SNTG1: variants seen among roughly 807,000 people sequenced by gnomAD.
SNTG1 encodes the protein gamma-1-syntrophin.
SNTG1 carries 39 observed loss-of-function variants against 74.7 expected under a neutral mutation model. The ratio of observed to expected loss-of-function variants is 0.52; its 90% CI spans 0.40 to 0.68. SNTG1 has a LOEUF of 0.68. SNTG1 is among the 30% of genes least tolerant of loss of function. The pLI is 0.00. For missense variants in SNTG1, 685 were observed against 609.5 expected (o/e 1.12, Z -1.30); for synonymous variants, 254 against 217.1 (o/e 1.17, Z -1.49).
chr8:50,338,211 G>A (rs920368323), intron 2 of SNTG1, among the ~76,000 whole-genome samples: 1 of 151,990 alleles, frequency 6.6e-6, no homozygotes, highest in African/African-American at 2.4e-5. Context: ...AATGCAAAAA[G>A]GGAGACAAAA....
chr8:50,393,979 C>T (rs2092695952), intron 2 of SNTG1, among the ~76,000 whole-genome samples: 4 of 152,198 alleles, frequency 2.6e-5, no homozygotes, highest in Admixed American at 2.6e-4. Flanking sequence ...AATGCACACT[C>T]AATCACACTG....
Position 50,455,371 on chromosome 8 carries a change from T to C in SNTG1, c.363+4642T>C, listed in dbSNP as rs181684333. On this transcript the variant is annotated intron_variant, in intron 8 of 18. Coordinates refer to ENST00000642720, the MANE Select transcript of SNTG1 (RefSeq NM_018967.5). Reference sequence around the variant, plus strand: ...TTCATCTGCTTTTTGTTTCTATGATTCTCATGAATAGAATTTATTAGGTAA... The same window carrying C: ...TTCATCTGCTTTTTGTTTCTATGATCCTCATGAATAGAATTTATTAGGTAA... 1.7e-3 allele frequency among the ~76,000 whole-genome samples: 252 copies of C among 152,340 alleles called. 2 individuals are homozygous for C. Among genetic ancestry groups the C allele is most frequent in the African/African-American group, 5.8e-3 (243 of 41,588 alleles).
intron 1 of SNTG1, among the ~76,000 whole-genome samples, chr8:49,947,309 A>AG (rs1221673926): frequency 6.6e-6 from 1 of 152,196 alleles, no homozygotes; most frequent in Non-Finnish European, 1.5e-5. Flanking sequence ...TCAAAAAAAA[A>AG]GAGTAATTTC....
intron 1 of SNTG1, among the ~76,000 whole-genome samples, chr8:50,087,528 T>C (rs1383106247): frequency 6.6e-6 from 1 of 152,200 alleles, no homozygotes; most frequent in Non-Finnish European, 1.5e-5. Context: ...CTCTTTTGTT[T>C]CTAAAATATT....
intron 1 of SNTG1, among the ~76,000 whole-genome samples, chr8:50,083,993 A>T (rs1348805132): frequency 6.6e-6 from 1 of 152,196 alleles, no homozygotes; most frequent in Non-Finnish European, 1.5e-5. Flanking sequence ...AACCTCTTTC[A>T]ATTCTGAGTT....
intron 1 of SNTG1, among the ~76,000 whole-genome samples, chr8:50,016,862 T>C (rs929734461): frequency 6.6e-6 from 1 of 152,010 alleles, no homozygotes; most frequent in African/African-American, 2.4e-5. Context: ...ACAAAAAAAA[T>C]GCAATGAGTT....
At chr8:50,674,531 CT>C (rs538707953) in intron 15 of SNTG1, among the ~76,000 whole-genome samples, 1 of 151,432 alleles carries the variant, frequency 6.6e-6, no homozygotes, top group African/African-American at 2.4e-5. Context: ...CCCCTTTAAC[CT>C]TTTTTTGTTG....
intron 1 of SNTG1, among the ~76,000 whole-genome samples, chr8:49,987,850 G>C (rs774292021): frequency 6.6e-6 from 1 of 151,878 alleles, no homozygotes; most frequent in Non-Finnish European, 1.5e-5. Context: ...GGGTTTCACC[G>C]TGTTAGCCAG....
At chr8:50,254,869 A>G (rs1036650616) in intron 2 of SNTG1, among the ~76,000 whole-genome samples, 1 of 147,268 alleles carries the variant, frequency 6.8e-6, no homozygotes, top group African/African-American at 2.5e-5. Flanking sequence ...AAAAAAAAAG[A>G]AAGAAAGAAA....
chr8:50,700,003 C>G (rs2095418066), intron 15 of SNTG1, among the ~76,000 whole-genome samples: 1 of 151,982 alleles, frequency 6.6e-6, no homozygotes, highest in Non-Finnish European at 1.5e-5. Context: ...ACAAGGATTA[C>G]CTATTAATAA....
chr8:50,508,762 G>T (rs1446696357), intron 9 of SNTG1, among the ~76,000 whole-genome samples: 1 of 152,010 alleles, frequency 6.6e-6, no homozygotes, highest in African/African-American at 2.4e-5. Flanking sequence ...CATTTTGATG[G>T]GATTGTTTGT....
At chr8:50,590,832 T>C in intron 12 of SNTG1, 47 bp from the exon 13 acceptor site, 1 of 1,282,804 alleles carries the variant, frequency 7.8e-7, no homozygotes, top group Non-Finnish European at 1.1e-6. Flanking sequence ...GACCTTGTGT[T>C]ACCATCTATT....
chr8:50,553,739 C>T (rs1264948593), intron 12 of SNTG1, among the ~76,000 whole-genome samples: 4 of 152,138 alleles, frequency 2.6e-5, no homozygotes, highest in East Asian at 1.9e-4. Flanking sequence ...TAGCTATCTT[C>T]TCATTATTTT....
At chr8:50,553,545 G>C (rs1465572526) in intron 12 of SNTG1, among the ~76,000 whole-genome samples, 1 of 152,152 alleles carries the variant, frequency 6.6e-6, no homozygotes, top group Non-Finnish European at 1.5e-5. Context: ...CAGCTAGGAA[G>C]GTTTGAGGAG....
At chr8:50,770,602 G>A (rs1321033855) in intron 18 of SNTG1, among the ~76,000 whole-genome samples, 1 of 152,020 alleles carries the variant, frequency 6.6e-6, no homozygotes, top group African/African-American at 2.4e-5. Flanking sequence ...TCCTAGAGAA[G>A]TCAATTTGCA....
chr8:50,726,311 A>G (rs2095499892), intron 17 of SNTG1, among the ~76,000 whole-genome samples: 1 of 152,202 alleles, frequency 6.6e-6, no homozygotes, highest in African/African-American at 2.4e-5. Context: ...TAGTAAGGAC[A>G]CATATTTCAG....
chr8:50,424,010 A>T (rs2093130111), intron 4 of SNTG1, among the ~76,000 whole-genome samples: 1 of 152,170 alleles, frequency 6.6e-6, no homozygotes, highest in Non-Finnish European at 1.5e-5. Flanking sequence ...CCTGTGTTTA[A>T]GGTTTTAGAC....
At chr8:50,507,236 A>G (rs2094014645) in intron 9 of SNTG1, among the ~76,000 whole-genome samples, 1 of 151,858 alleles carries the variant, frequency 6.6e-6, no homozygotes, top group South Asian at 2.1e-4. Context: ...GTTTTTTAGT[A>G]TCTTTTTGAG....
intron 15 of SNTG1, among the ~76,000 whole-genome samples, chr8:50,689,649 C>T (rs1221680250): frequency 6.6e-6 from 1 of 152,112 alleles, no homozygotes; most frequent in Non-Finnish European, 1.5e-5. Flanking sequence ...ATTCGTTTTG[C>T]CAGTATTTTA....
Sources: allele counts gnomAD v4.1 joint callset (sites outside exome capture counted in the v4.1 genomes callset), GRCh38; gene constraint gnomAD v4.1.1; transcripts MANE v1.5; gene names NCBI Gene and HGNC (gene_info 2026-07-23, HGNC 2026-07-21).